The following PWWP3B variants were observed in gnomAD, a reference collection of about 807,000 sequenced individuals.
PWWP3B encodes PWWP domain containing 3B, also known as PWWP domain-containing DNA repair factor 3B.
PWWP3B carries 5 observed loss-of-function variants against 15.7 expected under a neutral mutation model. That is an observed-to-expected ratio of 0.32 (90% CI 0.17 to 0.67). The LOEUF is 0.67. PWWP3B is among the 30% of genes least tolerant of loss of function. The pLI is 0.74. For missense variants in PWWP3B, 519 were observed against 493.1 expected (o/e 1.05, Z -0.50); for synonymous variants, 203 against 179.8 (o/e 1.13, Z -1.03).
intron 2 of PWWP3B, among the ~76,000 whole-genome samples, chrX:106,190,826 C>T (rs1159987818): frequency 9.0e-6 from 1 of 111,276 alleles, no homozygotes; most frequent in Non-Finnish European, 1.9e-5. Flanking sequence ...GCTTGTTTTT[C>T]TCAGGTTTGT....
At chrX:106,184,341 A>G (rs1324228990) in intron 2 of PWWP3B, among the ~76,000 whole-genome samples, 2 of 111,458 alleles carry the variant, frequency 1.8e-5, no homozygotes, top group Non-Finnish European at 3.8e-5. Context: ...GGCCTCCCAT[A>G]GCCGCTGGAG....
intron 2 of PWWP3B, among the ~76,000 whole-genome samples, chrX:106,196,567 T>G: frequency 8.9e-6 from 1 of 112,005 alleles, no homozygotes; most frequent in Non-Finnish European, 1.9e-5. Flanking sequence ...TCCATTTTAG[T>G]CTGTTGATAT....
At chrX:106,180,892 C>T (rs1263979121) in intron 2 of PWWP3B, among the ~76,000 whole-genome samples, 1 of 112,139 alleles carries the variant, frequency 8.9e-6, no homozygotes, top group Admixed American at 9.4e-5. Context: ...TCTGGTAGCA[C>T]TAGTTGTTCC....
intron 2 of PWWP3B, among the ~76,000 whole-genome samples, chrX:106,190,546 T>A (rs925995413): frequency 1.8e-5 from 2 of 111,842 alleles, no homozygotes; most frequent in African/African-American, 6.5e-5. Flanking sequence ...CTCTTTAGTT[T>A]AATTAGATCC....
chrX:106,206,531 T>C lies in PWWP3B; in HGVS notation c.1099T>C (p.Ser367Pro). 1 of 1,208,022 alleles carries C rather than the reference T, an allele frequency of 8.3e-7. No individual in the cohort carries two copies. The highest frequency in any genetic ancestry group is 1.1e-6 in the Non-Finnish European group (1 of 893,808). Residue 367 changes from serine (S) to proline (P), a missense_variant, in exon 4 of 4, where the codon TCT becomes CCT. Physicochemically the swap from Ser to Pro is moderately conservative, Grantham distance 74. Coordinates refer to ENST00000357175, the MANE Select transcript of PWWP3B (RefSeq NM_001171020.2). Reference protein sequence around the residue: ...KSLLPSRINLSLLDDDEEDEE... With the variant: ...KSLLPSRINLPLLDDDEEDEE... ...ATTGCTTCCAAGTCGCATTAATCTT[T>C]CTCTATTAGATGATGATGAGGAAGA... is the stretch of plus-strand genomic sequence containing the variant.
intron 2 of PWWP3B, among the ~76,000 whole-genome samples, chrX:106,192,926 T>G: frequency 9.0e-6 from 1 of 111,721 alleles, no homozygotes; most frequent in Non-Finnish European, 1.9e-5. Flanking sequence ...ATAATTTCTG[T>G]TCTTTTCCAT....
In PWWP3B at chrX:106,206,115, G is replaced by C; in HGVS notation, c.683G>C (p.Ser228Thr). 2 of 1,211,095 alleles carry C rather than the reference G, an allele frequency of 1.7e-6. No homozygotes were observed. The highest frequency in any genetic ancestry group is 5.9e-5 in the East Asian group (2 of 33,836). Residue 228 changes from serine (S) to threonine (T), a missense_variant, in exon 4 of 4, where the codon AGT becomes ACT. Transcript: ENST00000357175. The part of the protein sequence containing the change: ...MSVHSAVKEE[S>T]ACVKDEKFAP... Reference sequence around the variant, plus strand: ...GTGCATTCTGCAGTCAAAGAGGAAAGTGCATGTGTTAAAGATGAAAAGTTT... The same window carrying C: ...GTGCATTCTGCAGTCAAAGAGGAAACTGCATGTGTTAAAGATGAAAAGTTT...
rs370109989 is a variant in PWWP3B, at chrX:106,181,254, C to T, written c.-401+10115C>T. Among the ~76,000 whole-genome samples, 4 of 111,645 alleles carry T rather than the reference C, an allele frequency of 3.6e-5. No individual in the cohort carries two copies. In the East Asian group the frequency reaches 1.1e-3, roughly 32 times the overall value. The stretch of plus-strand genomic sequence containing the variant: ...GTGAAGAGTGAAAGAATAAAGCTTC[C>T]ACAGCGTGGAAGGGGACCCGAGTGG... On this transcript the variant is annotated intron_variant, in intron 2 of 3. Coordinates refer to ENST00000357175, the MANE Select transcript of PWWP3B (RefSeq NM_001171020.2).
chrX:106,205,069 C>A (rs1054386696), intron 3 of PWWP3B, 150 bp from the exon 4 acceptor site: 2 of 140,878 alleles, frequency 1.4e-5, no homozygotes, highest in Non-Finnish European at 2.7e-5. Context: ...CCCTCCCCCC[C>A]GCAATCTTAT....
intron 2 of PWWP3B, among the ~76,000 whole-genome samples, chrX:106,183,010 T>A (rs1039184904): frequency 9.0e-6 from 1 of 110,960 alleles, no homozygotes; most frequent in Admixed American, 9.6e-5. Flanking sequence ...ATCCTGGGAC[T>A]CCTGAGCTGA....
intron 2 of PWWP3B, among the ~76,000 whole-genome samples, chrX:106,190,109 G>A (rs1922821365): frequency 9.0e-6 from 1 of 111,159 alleles, no homozygotes; most frequent in South Asian, 3.8e-4. Context: ...GATCCCTGAG[G>A]AATCGCCACA....
intron 2 of PWWP3B, among the ~76,000 whole-genome samples, chrX:106,201,391 C>T (rs1280972512): frequency 8.9e-6 from 1 of 112,363 alleles, no homozygotes; most frequent in African/African-American, 3.2e-5. Context: ...TTAAAATTCA[C>T]CTATGGGGTT....
chrX:106,184,499 C>T (rs1569359969), intron 2 of PWWP3B, among the ~76,000 whole-genome samples: 1 of 111,336 alleles, frequency 9.0e-6, no homozygotes, highest in East Asian at 2.8e-4. Context: ...AGTCGAGGTC[C>T]CAGTAGGGAT....
At position 106,205,227 on chromosome X, in the gene PWWP3B, G is replaced by A. The variant is rs1033346189; in HGVS notation, c.-206G>A. On this transcript the variant is annotated 5_prime_UTR_variant, in exon 4 of 4. Coordinates refer to ENST00000357175, the MANE Select transcript of PWWP3B (RefSeq NM_001171020.2). ...CCTTTTCCCTGTTTCAGTATCTTCC[G>A]GTATCATCCTATTCAAACAACGTGT... The A allele has an allele frequency of 3.0e-5, 10 of 335,658 alleles. No individual in the cohort carries two copies. Among genetic ancestry groups the A allele is most frequent in the East Asian group, 4.4e-5 (1 of 22,944 alleles). 27.7% of individuals were successfully genotyped at this position (335,658 alleles called of 1,213,427 possible).
chrX:106,190,099 G>T, intron 2 of PWWP3B, among the ~76,000 whole-genome samples: 1 of 111,173 alleles, frequency 9.0e-6, no homozygotes, highest in African/African-American at 3.3e-5. Context: ...TCTAGTTCTA[G>T]ATCCCTGAGG....
chrX:106,206,670 T>C lies in PWWP3B; in HGVS notation c.1238T>C (p.Ile413Thr). 1.7e-6 allele frequency: 2 copies of C among 1,210,090 alleles called. No homozygotes were observed. The highest frequency in any genetic ancestry group is 2.2e-6 in the Non-Finnish European group (2 of 894,595). ...TTTTGGCCAGCAGTGATAAAAAGTA[T>C]CAGACGAAAAGAGAGGAAAGCAAGT... ...YPFWPAVIKS[I>T]RRKERKASVL... The change falls in exon 4 of 4, where the codon ATC (isoleucine) becomes ACC (threonine). Residue 413 changes from isoleucine to threonine, a missense_variant. Ile to Thr is a moderately conservative substitution (Grantham distance 89, BLOSUM62 -1). Coordinates refer to ENST00000357175, the MANE Select transcript of PWWP3B (RefSeq NM_001171020.2).
intron 3 of PWWP3B, 53 bp downstream of exon 3, chrX:106,204,223 CT>C (rs1394208528): frequency 8.9e-6 from 1 of 112,291 alleles, no homozygotes; most frequent in African/African-American, 3.2e-5. Flanking sequence ...ATGTTGAGAA[CT>C]TGGAGAATAA....
intron 2 of PWWP3B, among the ~76,000 whole-genome samples, chrX:106,191,448 G>A (rs1421363095): frequency 1.3e-4 from 15 of 111,438 alleles, no homozygotes; most frequent in East Asian, 1.1e-3. Flanking sequence ...GGGCTGAGAC[G>A]ATGGGGTTTT....
At chrX:106,179,953 C>G (rs1026785007) in intron 2 of PWWP3B, among the ~76,000 whole-genome samples, 2 of 111,667 alleles carry the variant, frequency 1.8e-5, no homozygotes, top group Admixed American at 1.9e-4. Flanking sequence ...CAGCCATCTG[C>G]CTGACTCTCA....
Sources: allele counts gnomAD v4.1 joint callset (sites outside exome capture counted in the v4.1 genomes callset), GRCh38; gene constraint gnomAD v4.1.1; transcripts MANE v1.5; gene names NCBI Gene and HGNC (gene_info 2026-07-23, HGNC 2026-07-21).